The following FGD3 variants were observed in gnomAD, a reference collection of about 807,000 sequenced individuals.
FGD3 encodes the protein FYVE, RhoGEF and PH domain-containing protein 3.
In FGD3, 45 loss-of-function variants were observed where a neutral mutation model predicts 71.8. The ratio of observed to expected loss-of-function variants is 0.63; its 90% CI spans 0.49 to 0.80. The LOEUF (loss-of-function observed/expected upper bound fraction) is 0.80, where lower values mean the gene tolerates loss of function less well. Among genes scored for constraint, FGD3 ranks in the 30% least tolerant of loss-of-function variants. The probability of loss-of-function intolerance (pLI) is 0.00; values close to 1 mark genes in which losing one functional copy is unlikely to be tolerated. For missense variants in FGD3, 844 were observed against 951.5 expected, an observed-to-expected ratio of 0.89 and a Z score of 1.49; for synonymous variants, 378 against 392.8, an observed-to-expected ratio of 0.96 and a Z score of 0.44.
intron 5 of FGD3, among the ~76,000 whole-genome samples, chr9:93,005,283 C>T (rs895685682): frequency 3.9e-5 from 6 of 152,048 alleles, no homozygotes; most frequent in Non-Finnish European, 5.9e-5. Flanking sequence ...CCACCACACC[C>T]GGCTAATTAT....
chr9:93,004,173 A>G (rs1860962336), intron 5 of FGD3, 36 bp downstream of exon 5: 2 of 1,609,894 alleles, frequency 1.2e-6, no homozygotes, highest in Non-Finnish European at 1.7e-6. Context: ...GGGGCCCCTC[A>G]AGTGTTCTCT....
chr9:92,996,433 G>C (rs1362854197), intron 3 of FGD3, among the ~76,000 whole-genome samples: 1 of 152,098 alleles, frequency 6.6e-6, no homozygotes, highest in Non-Finnish European at 1.5e-5. Context: ...CCAGCTCCTG[G>C]ATTCATTGAT....
At chr9:93,026,600 G>A (rs553761336) in intron 14 of FGD3, among the ~76,000 whole-genome samples, 4 of 152,326 alleles carry the variant, frequency 2.6e-5, no homozygotes, top group African/African-American at 9.6e-5. Flanking sequence ...GCCAGATAAA[G>A]GAAGCCAGTG....
intron 1 of FGD3, among the ~76,000 whole-genome samples, chr9:92,962,970 T>C (rs975499103): frequency 6.7e-6 from 1 of 148,708 alleles, no homozygotes; most frequent in African/African-American, 2.4e-5. Context: ...AAGAAAAGAT[T>C]AAGTTCAGCA....
chr9:93,034,801 G>A, intron 17 of FGD3, 120 bp downstream of exon 17: 3 of 1,169,316 alleles, frequency 2.6e-6, no homozygotes, highest in Non-Finnish European at 3.5e-6. Context: ...GTTACCTGGG[G>A]CCTCAGTTTC....
At chr9:93,023,733 G>A (rs1002241467) in intron 14 of FGD3, among the ~76,000 whole-genome samples, 3 of 150,908 alleles carry the variant, frequency 2.0e-5, no homozygotes, top group Non-Finnish European at 2.9e-5. Context: ...ATGAAGCCCT[G>A]TAGCCTGCCC....
intron 3 of FGD3, among the ~76,000 whole-genome samples, chr9:93,000,070 T>C (rs560694683): frequency 1.3e-5 from 2 of 151,998 alleles, no homozygotes; most frequent in South Asian, 2.1e-4. Context: ...TGTAGTGATA[T>C]GCTTTTATTT....
intron 3 of FGD3, among the ~76,000 whole-genome samples, chr9:92,993,042 C>T (rs538244541): frequency 1.2e-4 from 19 of 152,290 alleles, no homozygotes; most frequent in African/African-American, 4.6e-4. Context: ...CTCACTCCAC[C>T]GCCAGCCAAA....
intron 6 of FGD3, among the ~76,000 whole-genome samples, chr9:93,007,298 A>G (rs1861105747): frequency 6.6e-6 from 1 of 150,652 alleles, no homozygotes; most frequent in Non-Finnish European, 1.5e-5. Flanking sequence ...TCACCATGTT[A>G]GCCAGGATGT....
chr9:93,022,154 A>T (rs1230208961), intron 13 of FGD3, among the ~76,000 whole-genome samples, 173 bp from the exon 14 acceptor site: 1 of 152,224 alleles, frequency 6.6e-6, no homozygotes. Context: ...GGCCAGGCCC[A>T]GGGAGGGAGC....
Position 93,035,588 on chromosome 9 carries a change from G to A in FGD3, c.2177G>A (p.Ter726=). ...GTCCCTATGGGCGCAGCTGCTCCGT[G>A]AGCTGAGTCTCCCACTGCCCTGCAC... ...LQVPMGAAAP[*] is the part of the protein sequence containing the mutation. The change falls in exon 18 of 18, where the codon TGA becomes TAA. Residue 726 remains the stop codon, a stop_retained_variant. Transcript: ENST00000375482. 1 of 1,584,564 alleles carries A rather than the reference G, an allele frequency of 6.3e-7. No homozygotes were observed.
At chr9:92,985,481 T>C (rs1040116534) in intron 3 of FGD3, among the ~76,000 whole-genome samples, 3 of 152,226 alleles carry the variant, frequency 2.0e-5, no homozygotes, top group African/African-American at 7.2e-5. Flanking sequence ...GTTTGTTTGT[T>C]TATTTGTTTG....
At chr9:93,007,058 T>C (rs1587847788) in intron 6 of FGD3, among the ~76,000 whole-genome samples, 1 of 149,088 alleles carries the variant, frequency 6.7e-6, no homozygotes, top group African/African-American at 2.5e-5. Flanking sequence ...GTGTTTGCCA[T>C]ACAGAATTTT....
At chr9:92,994,875 A>G (rs2118663212) in intron 3 of FGD3, among the ~76,000 whole-genome samples, 1 of 152,290 alleles carries the variant, frequency 6.6e-6, no homozygotes, top group Non-Finnish European at 1.5e-5. Context: ...TGGTTACTGT[A>G]GCCTTGTAAT....
intron 1 of FGD3, among the ~76,000 whole-genome samples, chr9:92,954,923 T>C (rs1859021791): frequency 6.6e-6 from 1 of 152,154 alleles, no homozygotes; most frequent in Non-Finnish European, 1.5e-5. Flanking sequence ...TAGAGGATGC[T>C]TGGAGCATCG....
In FGD3 at chr9:92,949,583, C is replaced by T. The variant is rs145950654; in HGVS notation, c.-218+1854C>T. The stretch of plus-strand genomic sequence containing the variant: ...CATCCCAACGAGGGATATCCAGCAG[C>T]CTTCCTTGAGGGTCCCACCCTCAGG... On this transcript the variant is annotated intron_variant, in intron 1 of 17. Coordinates refer to ENST00000375482, the MANE Select transcript of FGD3 (RefSeq NM_001083536.2). 8.5e-5 allele frequency among the ~76,000 whole-genome samples: 13 copies of T among 152,284 alleles called. No homozygotes were observed. In the East Asian group the frequency reaches 2.3e-3, roughly 27 times the overall value.
At chr9:93,019,701 A>G (rs1861839285) in intron 11 of FGD3, 130 bp from the exon 12 acceptor site, 1 of 903,984 alleles carries the variant, frequency 1.1e-6, no homozygotes. Context: ...CTTGGGGCCA[A>G]TCTTCCAATC....
intron 7 of FGD3, 99 bp downstream of exon 7, chr9:93,010,483 G>C (rs780920721): frequency 2.2e-5 from 29 of 1,313,412 alleles, no homozygotes; most frequent in Non-Finnish European, 2.5e-5. Context: ...GGGTCATGGG[G>C]GTAGGGGAGA....
chr9:92,969,964 C>G lies in FGD3; in HGVS notation c.-217-5274C>G, dbSNP rs1859474162. ...CAGCCCTGAGTGTCTGGGACCTGTT[C>G]CCTGGCTGAGTCCACAGTGGGCACG... On this transcript the variant is annotated intron_variant, in intron 1 of 17. Coordinates refer to ENST00000375482, the MANE Select transcript of FGD3 (RefSeq NM_001083536.2). The surrounding 1 kb of genome is among the most constrained non-coding windows in gnomAD (Gnocchi z 4.5). Among the ~76,000 whole-genome samples, 1 of 152,310 alleles carries G rather than the reference C, an allele frequency of 6.6e-6. No individual in the cohort carries two copies. The highest frequency in any genetic ancestry group is 2.1e-4 in the South Asian group (1 of 4,826).
Sources: gnomAD v4.1 joint callset for allele counts (sites outside exome capture counted in the v4.1 genomes callset) on GRCh38, gnomAD v4.1.1 for gene constraint, Gnocchi (gnomAD v3.1) non-coding constraint, MANE v1.5 for transcripts, NCBI Gene and HGNC (gene_info 2026-07-23, HGNC 2026-07-21) for gene names.